The following IL1RL1 variants were observed in gnomAD, a reference collection of about 807,000 sequenced individuals.
The protein encoded by IL1RL1 is interleukin-1 receptor-like 1.
IL1RL1 carries 32 observed loss-of-function variants against 50.9 expected under a neutral mutation model. The ratio of observed to expected loss-of-function variants is 0.63; its 90% confidence interval spans 0.47 to 0.84. IL1RL1 has a LOEUF of 0.84. Among genes scored for constraint, IL1RL1 ranks in the 40% least tolerant of loss-of-function variants. The pLI is 0.00. For missense variants in IL1RL1, 773 were observed against 662.9 expected (o/e 1.17, Z -1.82); for synonymous variants, 275 against 236.0 (o/e 1.17, Z -1.51).
chr2:102,334,573 G>A (rs1005859228), intron 1 of IL1RL1, among the ~76,000 whole-genome samples: 2 of 150,126 alleles, frequency 1.3e-5, no homozygotes, highest in African/African-American at 4.8e-5. Context: ...ATACCCAGAT[G>A]TCCTCTAGTG....
chr2:102,325,572 C>T (rs1420278209), intron 1 of IL1RL1, among the ~76,000 whole-genome samples: 2 of 151,860 alleles, frequency 1.3e-5, no homozygotes, highest in African/African-American at 4.8e-5. Context: ...GGAGGAAGTT[C>T]GAACCCATGG....
Position 102,351,993 on chromosome 2 carries a change from G to T in IL1RL1, c.*72G>T, listed in dbSNP as rs1465551244. Reference sequence around the variant, plus strand: ...CTTCTCCTAGCTGGCTTATGCCCCTGCACTGAAGTGTGAGGAGCAGGAATA... The same window carrying T: ...CTTCTCCTAGCTGGCTTATGCCCCTTCACTGAAGTGTGAGGAGCAGGAATA... On this transcript the variant is annotated 3_prime_UTR_variant, in exon 11 of 11. Coordinates refer to ENST00000233954, the MANE Select transcript of IL1RL1 (RefSeq NM_016232.5). 2.9e-6 allele frequency: 4 copies of T among 1,389,782 alleles called. No individual in the cohort carries two copies. The highest frequency in any genetic ancestry group is 2.9e-6 in the Non-Finnish European group (3 of 1,018,650). The allele number at this position is 1,389,782 out of a possible 1,614,324, so 86.1% of individuals were successfully genotyped here.
At chr2:102,352,061 T>A, downstream of IL1RL1, 1 of 865,898 alleles carries the variant, frequency 1.2e-6, no homozygotes, top group Non-Finnish European at 1.7e-6. Flanking sequence ...TAACTTTCCT[T>A]CCATTTCCCT....
chr2:102,315,788 C>T (rs1304688321), intron 1 of IL1RL1, among the ~76,000 whole-genome samples: 1 of 152,158 alleles, frequency 6.6e-6, no homozygotes, highest in Non-Finnish European at 1.5e-5. Context: ...AAACTAGCCC[C>T]TATGCAAAGT....
intron 8 of IL1RL1, among the ~76,000 whole-genome samples, chr2:102,346,891 C>T (rs374860395): frequency 6.6e-6 from 1 of 152,080 alleles, no homozygotes; most frequent in Non-Finnish European, 1.5e-5. Context: ...GGAAAAGAAC[C>T]GTATCAGCAA....
At position 102,338,936 on chromosome 2, in the gene IL1RL1, A is replaced by G. The variant is rs1677435111; in HGVS notation, c.161A>G (p.Asn54Ser). 4 of 1,613,832 alleles carry G rather than the reference A, an allele frequency of 2.5e-6. No individual in the cohort carries two copies. The highest frequency in any genetic ancestry group is 3.4e-6 in the Non-Finnish European group (4 of 1,179,868). The change falls in exon 3 of 11, where the codon AAC (asparagine) becomes AGC (serine). Residue 54 changes from asparagine (N) to serine (S), a missense_variant. Transcript: ENST00000233954. ...GTGGATTGGTATTACTCACAAACAA[A>G]CAAAAGTATTCCCACTCAGGAAAGA... The part of the protein sequence containing the change: ...YTVDWYYSQT[N>S]KSIPTQERNR...
intron 4 of IL1RL1, 69 bp from the exon 5 acceptor site, chr2:102,340,597 C>A: frequency 6.7e-7 from 1 of 1,500,896 alleles, no homozygotes; most frequent in Non-Finnish European, 9.1e-7. Flanking sequence ...AGGCAACAAA[C>A]ATTCTGTCAA....
At chr2:102,326,946 G>A (rs1027089868) in intron 1 of IL1RL1, among the ~76,000 whole-genome samples, 12 of 152,174 alleles carry the variant, frequency 7.9e-5, no homozygotes, top group Admixed American at 2.6e-4. Flanking sequence ...ACAGATCAAC[G>A]AGACAGAAAG....
chr2:102,339,795 ACT>A (rs1484771643), intron 3 of IL1RL1, among the ~76,000 whole-genome samples: 1 of 152,234 alleles, frequency 6.6e-6, no homozygotes, highest in Non-Finnish European at 1.5e-5. Flanking sequence ...TACAGAGTAA[ACT>A]CTGAATAAAT....
intron 9 of IL1RL1, among the ~76,000 whole-genome samples, 158 bp from the exon 10 acceptor site, chr2:102,348,921 G>T (rs1412344941): frequency 1.3e-5 from 2 of 152,160 alleles, no homozygotes; most frequent in African/African-American, 4.8e-5. Context: ...GTGTTTTGTG[G>T]CAGTGGTTTG....
intron 1 of IL1RL1, among the ~76,000 whole-genome samples, chr2:102,328,652 A>T (rs1158280890): frequency 9.2e-5 from 14 of 152,350 alleles, no homozygotes; most frequent in South Asian, 4.1e-4. Flanking sequence ...AAGTCTCAGG[A>T]TAAAAAATCA....
At chr2:102,350,746 G>T (rs1209634763) in intron 10 of IL1RL1, among the ~76,000 whole-genome samples, 2 of 152,226 alleles carry the variant, frequency 1.3e-5, no homozygotes, top group African/African-American at 4.8e-5. Context: ...GCCTCTCCAC[G>T]TGGGGCTTCT....
intron 1 of IL1RL1, among the ~76,000 whole-genome samples, chr2:102,312,070 G>T (rs1220727303): frequency 8.5e-5 from 6 of 70,566 alleles, no homozygotes; most frequent in Admixed American, 2.2e-4. Context: ...TAACATTATT[G>T]TTATAATGTT....
chr2:102,340,796 G>C lies in IL1RL1; in HGVS notation c.578G>C (p.Ser193Thr). The C allele has an allele frequency of 6.3e-7, 1 of 1,580,484 alleles. No individual in the cohort carries two copies. Residue 193 changes from serine (S) to threonine (T), a missense_variant, in exon 5 of 11, where the codon AGT becomes ACT. Coordinates refer to ENST00000233954, the MANE Select transcript of IL1RL1 (RefSeq NM_016232.5). ...FIHNENGANYSVTATRSFTVK... is the reference protein window; with the variant it reads ...FIHNENGANYTVTATRSFTVK... ...CACAATGAAAATGGAGCCAATTATAGTGTGACGGCGACCAGGTCCTTCACG... is the reference window on the plus strand; with the variant it reads ...CACAATGAAAATGGAGCCAATTATACTGTGACGGCGACCAGGTCCTTCACG...
intron 1 of IL1RL1, among the ~76,000 whole-genome samples, chr2:102,330,595 T>A (rs1677149135): frequency 6.6e-6 from 1 of 152,246 alleles, no homozygotes; most frequent in African/African-American, 2.4e-5. Context: ...TTGATATATT[T>A]TCTTTTGTGA....
chr2:102,321,193 C>T (rs1031225994), intron 1 of IL1RL1, among the ~76,000 whole-genome samples: 4 of 152,214 alleles, frequency 2.6e-5, no homozygotes, highest in Non-Finnish European at 5.9e-5. Context: ...TTGCTCTCCT[C>T]CTGCTGTATT....
At chr2:102,345,516 T>C (rs1220750328) in intron 8 of IL1RL1, 5 of 985,252 alleles carry the variant, frequency 5.1e-6, no homozygotes, top group Non-Finnish European at 6.0e-6. Flanking sequence ...CACCCATGTG[T>C]GTGGTATGGT....
chr2:102,326,354 A>C (rs1385463970), intron 1 of IL1RL1, among the ~76,000 whole-genome samples: 7 of 152,186 alleles, frequency 4.6e-5, no homozygotes, highest in South Asian at 4.1e-4. Flanking sequence ...TGAAGGAAGC[A>C]CTAAACATGG....
rs755709577 is a variant in IL1RL1, at chr2:102,338,852, G to A, written c.77G>A (p.Gly26Asp). The A allele has an allele frequency of 5.0e-6, 8 of 1,612,152 alleles. No individual in the cohort carries two copies. In the African/African-American group the frequency reaches 8.0e-5, roughly 16 times the overall value. ...TAAKFSKQSW[G>D]LENEALIVRC... Reference sequence around the variant, plus strand: ...TTATTTGCAGGTAAACAATCATGGGGCCTGGAAAATGAGGCTTTAATTGTA... The same window carrying A: ...TTATTTGCAGGTAAACAATCATGGGACCTGGAAAATGAGGCTTTAATTGTA... Residue 26 changes from glycine (G) to aspartate (D), a missense_variant, in exon 3 of 11, where the codon GGC becomes GAC. Transcript: ENST00000233954.
Sources: allele counts gnomAD v4.1 joint callset (sites outside exome capture counted in the v4.1 genomes callset), GRCh38; gene constraint gnomAD v4.1.1; transcripts MANE v1.5; gene names NCBI Gene and HGNC (gene_info 2026-07-23, HGNC 2026-07-21).